ZBTB16: variants seen among roughly 807,000 people sequenced by gnomAD.
ZBTB16 encodes the protein zinc finger and BTB domain containing 16.
Under a neutral mutation model 56.8 loss-of-function variants are expected in ZBTB16, and 8 were observed. The observed-to-expected ratio is 0.14, with a 90% CI of 0.08 to 0.25. The LOEUF is 0.25. Ranked by LOEUF, ZBTB16 falls within the 10% of genes least tolerant of loss-of-function variation. ZBTB16 has a pLI of 1.00. For synonymous variants in ZBTB16, 363 were observed against 368.5 expected (o/e 0.98, Z 0.17); for missense variants, 625 against 903.0 (o/e 0.69, Z 3.95).
chr11:114,129,330 C>A (rs1228697682), intron 2 of ZBTB16, among the ~76,000 whole-genome samples: 3 of 152,238 alleles, frequency 2.0e-5, no homozygotes. Flanking sequence ...CGTGGCGCAG[C>A]CACCGGAGCC....
At chr11:114,197,924 T>C (rs1241885864) in intron 4 of ZBTB16, among the ~76,000 whole-genome samples, 1 of 151,980 alleles carries the variant, frequency 6.6e-6, no homozygotes, top group Non-Finnish European at 1.5e-5. Context: ...GCAACTGTTC[T>C]AGTTCCTGCT....
At chr11:114,070,229 C>A (rs1463490945) in intron 2 of ZBTB16, among the ~76,000 whole-genome samples, 4 of 151,114 alleles carry the variant, frequency 2.6e-5, no homozygotes, top group African/African-American at 9.7e-5. Context: ...CTGCCTCAGC[C>A]TCCCGAGTAG....
intron 4 of ZBTB16, among the ~76,000 whole-genome samples, chr11:114,241,871 C>T (rs957013379): frequency 7.9e-5 from 12 of 152,272 alleles, no homozygotes; most frequent in East Asian, 5.8e-4. Flanking sequence ...AGTACCTTGC[C>T]GCCTTTTACA....
chr11:114,216,979 A>C lies in ZBTB16; in HGVS notation c.1454-25188A>C, dbSNP rs148189548. On this transcript the variant is annotated intron_variant, in intron 4 of 6. Coordinates refer to ENST00000335953, the MANE Select transcript of ZBTB16 (RefSeq NM_006006.6). ...CAGGATACTGTGGTAGCCCAGAGGA[A>C]GGGTGCTCAGCAGATACCCAGGGGA... Among the ~76,000 whole-genome samples the C allele has an allele frequency of 4.9e-3, 739 of 152,330 alleles. 3 individuals are homozygous for C. The highest frequency in any genetic ancestry group is 0.017 in the African/African-American group (714 of 41,576).
intron 2 of ZBTB16, among the ~76,000 whole-genome samples, chr11:114,126,056 C>T (rs1475302425): frequency 2.0e-5 from 3 of 152,316 alleles, no homozygotes; most frequent in Admixed American, 6.5e-5. Flanking sequence ...TATCCACAGC[C>T]TCCTGCTCCT....
intron 4 of ZBTB16, among the ~76,000 whole-genome samples, chr11:114,192,567 C>T (rs536505892): frequency 6.6e-6 from 1 of 152,346 alleles, no homozygotes; most frequent in South Asian, 2.1e-4. Flanking sequence ...AAACATGCCT[C>T]CTGACTGGCA....
At chr11:114,234,853 C>G (rs1355553309) in intron 4 of ZBTB16, among the ~76,000 whole-genome samples, 1 of 152,134 alleles carries the variant, frequency 6.6e-6, no homozygotes, top group Non-Finnish European at 1.5e-5. Flanking sequence ...GATGGTACAG[C>G]CCTGCTACCT....
At chr11:114,190,588 A>G (rs542091425) in intron 4 of ZBTB16, among the ~76,000 whole-genome samples, 3 of 152,298 alleles carry the variant, frequency 2.0e-5, no homozygotes, top group South Asian at 4.1e-4. Flanking sequence ...GTTGAACTGT[A>G]CACTTTAAAA....
chr11:114,211,968 G>A (rs386800), intron 4 of ZBTB16, among the ~76,000 whole-genome samples: 31,557 of 152,168 alleles, frequency 0.21, 4,083 homozygotes, highest in Non-Finnish European at 0.29. Flanking sequence ...AGGGCAGGGG[G>A]ACTCGCCCTC....
intron 4 of ZBTB16, among the ~76,000 whole-genome samples, chr11:114,234,744 C>T (rs12223709): frequency 0.057 from 8,641 of 152,288 alleles, 325 homozygotes; most frequent in East Asian, 0.13. Context: ...CCACCCCAGC[C>T]TTCTCCATCC....
At chr11:114,209,867 G>T in intron 4 of ZBTB16, 1 of 985,380 alleles carries the variant, frequency 1.0e-6, no homozygotes, top group Non-Finnish European at 1.2e-6. Flanking sequence ...TGTTTGTTGA[G>T]GGGACCCCAT....
At chr11:114,243,454 G>A (rs915590672) in intron 5 of ZBTB16, among the ~76,000 whole-genome samples, 1 of 152,204 alleles carries the variant, frequency 6.6e-6, no homozygotes, top group Non-Finnish European at 1.5e-5. Flanking sequence ...CCAGCAGCAG[G>A]TATCCTCATT....
chr11:114,070,904 G>C (rs1352160837), intron 2 of ZBTB16, among the ~76,000 whole-genome samples: 5 of 152,172 alleles, frequency 3.3e-5, no homozygotes, highest in Non-Finnish European at 7.3e-5. Flanking sequence ...TGGAAATCTG[G>C]TCTTTTGGAG....
At chr11:114,148,947 A>G (rs1227552290) in intron 2 of ZBTB16, among the ~76,000 whole-genome samples, 1 of 150,140 alleles carries the variant, frequency 6.7e-6, no homozygotes, top group Admixed American at 6.6e-5. Context: ...CCACCTCTAC[A>G]TTTTTCTCTT....
At chr11:114,092,253 G>A (rs1052936386) in intron 2 of ZBTB16, among the ~76,000 whole-genome samples, 1 of 152,228 alleles carries the variant, frequency 6.6e-6, no homozygotes, top group Non-Finnish European at 1.5e-5. Context: ...CCGGAGCACT[G>A]AAGGGGCTTT....
chr11:114,115,042 T>C (rs890358298), intron 2 of ZBTB16, among the ~76,000 whole-genome samples: 3 of 152,118 alleles, frequency 2.0e-5, no homozygotes, highest in African/African-American at 7.2e-5. Context: ...AGGGCACTCA[T>C]TATTTTCTTT....
chr11:114,082,734 G>A (rs1939811856), intron 2 of ZBTB16, among the ~76,000 whole-genome samples: 4 of 152,020 alleles, frequency 2.6e-5, no homozygotes, highest in Admixed American at 2.6e-4. Flanking sequence ...GCCACCTCTC[G>A]GTGGGCGGGG....
intron 4 of ZBTB16, among the ~76,000 whole-genome samples, chr11:114,231,459 AG>A (rs758780800): frequency 1.4e-4 from 22 of 152,198 alleles, no homozygotes; most frequent in South Asian, 4.1e-4. Context: ...TCTCAGACCC[AG>A]CTACTCAATA....
intron 4 of ZBTB16, among the ~76,000 whole-genome samples, chr11:114,236,826 T>G (rs1170307822): frequency 1.3e-5 from 2 of 152,218 alleles, no homozygotes; most frequent in East Asian, 3.8e-4. Flanking sequence ...AGTTCCTACT[T>G]TGGAGGCTTA....
Sources: allele counts gnomAD v4.1 joint callset (sites outside exome capture counted in the v4.1 genomes callset), GRCh38; gene constraint gnomAD v4.1.1; transcripts MANE v1.5; gene names NCBI Gene and HGNC (gene_info 2026-07-23, HGNC 2026-07-21).